Variants in VPS26B observed in about 807,000 individuals in gnomAD.
VPS26B encodes vacuolar protein sorting-associated protein 26B.
VPS26B carries 10 observed loss-of-function variants against 33.3 expected under a neutral mutation model. The ratio of observed to expected loss-of-function variants is 0.30; its 90% confidence interval spans 0.19 to 0.51. The LOEUF (loss-of-function observed/expected upper bound fraction) is 0.51, where lower values mean the gene tolerates loss of function less well. Among genes scored for constraint, VPS26B ranks in the 20% least tolerant of loss-of-function variants. VPS26B has a pLI of 0.98. For missense variants in VPS26B, 317 were observed against 452.7 expected (o/e 0.70, Z 2.72); for synonymous variants, 190 against 176.9 (o/e 1.07, Z -0.59).
At position 134,245,907 on chromosome 11, in the gene VPS26B, C is replaced by T. The variant is rs141768163; in HGVS notation, c.*317C>T. The T allele has an allele frequency of 3.3e-4, 102 of 312,696 alleles. No individual in the cohort carries two copies. In the East Asian group the frequency reaches 5.9e-3, roughly 18 times the overall value. 19.4% of individuals were successfully genotyped at this position (312,696 alleles called of 1,614,324 possible). On this transcript the variant is annotated 3_prime_UTR_variant, in exon 6 of 6. Transcript: ENST00000281187. This position sits in a 1 kb window ranked among gnomAD's most constrained non-coding sequence, Gnocchi z 4.7. ...CTTAGAGGAGGGAGAGCAGAGAGCA[C>T]GCATCCTTGGCTCCTGGCTCTCTGA...
chr11:134,239,351 T>C (rs1437276551), intron 2 of VPS26B, among the ~76,000 whole-genome samples: 1 of 152,126 alleles, frequency 6.6e-6, no homozygotes, highest in Non-Finnish European at 1.5e-5. Flanking sequence ...TTTGCCCATC[T>C]CCCCCGGTGA....
Position 134,245,659 on chromosome 11 carries a change from G to T in VPS26B, c.*69G>T. 6.6e-7 allele frequency: 1 copy of T among 1,513,734 alleles called. No individual in the cohort carries two copies. Among genetic ancestry groups the T allele is most frequent in the Non-Finnish European group, 8.9e-7 (1 of 1,129,282 alleles). The allele number at this position is 1,513,734 out of a possible 1,614,324, so 93.8% of individuals were successfully genotyped here. On this transcript the variant is annotated 3_prime_UTR_variant, in exon 6 of 6. Transcript: ENST00000281187. This position sits in a 1 kb window ranked among gnomAD's most constrained non-coding sequence, Gnocchi z 4.7. ...CATCTACCAACACCAGCGGCTGGGG[G>T]CGGGGGCGGACCTTGTGAGGCTCAG...
chr11:134,235,024 G>A lies in VPS26B; in HGVS notation c.351G>A (p.Glu117=), dbSNP rs780697177. ...FEFTHVEKPY[E]SYTGQNVKLR... ...TTACCCACGTGGAGAAGCCGTATGA[G>A]TCCTACACAGGGCAGAATGTGAAGC... Residue 117 remains glutamate (E), a synonymous_variant, in exon 2 of 6, where the codon GAG becomes GAA. Coordinates refer to ENST00000281187, the MANE Select transcript of VPS26B (RefSeq NM_052875.5). 1.2e-6 allele frequency: 2 copies of A among 1,614,170 alleles called. No homozygotes were observed. Among genetic ancestry groups the A allele is most frequent in the Non-Finnish European group, 1.7e-6 (2 of 1,180,018 alleles).
intron 1 of VPS26B, among the ~76,000 whole-genome samples, chr11:134,234,677 T>C (rs1271220872): frequency 6.6e-6 from 1 of 152,192 alleles, no homozygotes; most frequent in Non-Finnish European, 1.5e-5. Context: ...TGGGTTCCTT[T>C]TCTGCCACGG....
At chr11:134,237,686 G>A (rs994653908) in intron 2 of VPS26B, among the ~76,000 whole-genome samples, 5 of 152,276 alleles carry the variant, frequency 3.3e-5, no homozygotes, top group Admixed American at 2.0e-4. Flanking sequence ...CTGTGGAACC[G>A]CGGGAAGAGT....
chr11:134,242,816 A>C (rs1449718427), intron 3 of VPS26B, among the ~76,000 whole-genome samples: 7 of 152,250 alleles, frequency 4.6e-5, no homozygotes, highest in African/African-American at 7.2e-5. Context: ...CAAAAACACA[A>C]ATATAAAAGG....
chr11:134,240,232 A>G lies in VPS26B; in HGVS notation c.545+77A>G. 6.6e-7 allele frequency: 1 copy of G among 1,521,066 alleles called. No individual in the cohort carries two copies. The highest frequency in any genetic ancestry group is 1.2e-5 in the South Asian group (1 of 86,916). 94.2% of individuals were successfully genotyped at this position (1,521,066 alleles called of 1,614,324 possible). ...TGGGACTTGATGCAGATGCAAACTGATGACCCTCTGTGACTCGACTGCTTT... is the reference window on the plus strand; with the variant it reads ...TGGGACTTGATGCAGATGCAAACTGGTGACCCTCTGTGACTCGACTGCTTT... On this transcript the variant is annotated intron_variant, in intron 3 of 5. Coordinates refer to ENST00000281187, the MANE Select transcript of VPS26B (RefSeq NM_052875.5). The surrounding 1 kb of genome is among the most constrained non-coding windows in gnomAD (Gnocchi z 4.4).
chr11:134,242,043 T>C (rs1938734441), intron 3 of VPS26B, among the ~76,000 whole-genome samples: 1 of 152,190 alleles, frequency 6.6e-6, no homozygotes, highest in African/African-American at 2.4e-5. Context: ...TTTTTAACTC[T>C]CCCCGCTTAC....
At position 134,225,257 on chromosome 11, in the gene VPS26B, G is replaced by A. The variant is rs1938427519; in HGVS notation, c.135G>A (p.Thr45=). ...EKYFLFYDGE[T]VSGKVSLALK... is the part of the protein sequence containing the mutation. ...ATTTCCTCTTCTACGACGGGGAGAC[G>A]GTCTCCGGGAAGGTGAGCCTTGCCC... The change falls in exon 1 of 6, where the codon ACG becomes ACA. Residue 45 remains threonine, a synonymous_variant. Transcript: ENST00000281187. The A allele has an allele frequency of 6.2e-7, 1 of 1,614,034 alleles. No homozygotes were observed. Among genetic ancestry groups the A allele is most frequent in the Non-Finnish European group, 8.5e-7 (1 of 1,180,010 alleles).
intron 2 of VPS26B, 40 bp downstream of exon 2, chr11:134,235,093 C>T (rs888089108): frequency 1.3e-6 from 2 of 1,592,180 alleles, no homozygotes; most frequent in Non-Finnish European, 1.7e-6. Flanking sequence ...ACCCTAGAAC[C>T]TGCCCCATGT....
rs1411344708 is a variant in VPS26B at position 134,244,788 on chromosome 11, G to A, written c.722-150G>A. The A allele has an allele frequency of 1.4e-5, 15 of 1,104,102 alleles. No individual in the cohort carries two copies. Among genetic ancestry groups the A allele is most frequent in the Non-Finnish European group, 1.9e-5 (15 of 804,284 alleles). The allele number at this position is 1,104,102 out of a possible 1,614,324, so 68.4% of individuals were successfully genotyped here. A position where few individuals can be genotyped will look rare whatever the true frequency, so the allele number is the denominator to read the frequency against. ...AGTCACATTTTTGTTTCAGCCACCTGCTGGGCAGCAGAGCGACTGCACCTT... is the reference window on the plus strand; with the variant it reads ...AGTCACATTTTTGTTTCAGCCACCTACTGGGCAGCAGAGCGACTGCACCTT... On this transcript the variant is annotated intron_variant, in intron 4 of 5. Transcript: ENST00000281187. The surrounding 1 kb of genome is among the most constrained non-coding windows in gnomAD (Gnocchi z 4.0).
rs753844938 is a variant in VPS26B at position 134,240,532 on chromosome 11, CATCT to C, written c.545+378_545+381del. 2.6e-5 allele frequency among the ~76,000 whole-genome samples: 4 copies of C among 152,164 alleles called. No homozygotes were observed. The highest frequency in any genetic ancestry group is 5.9e-5 in the Non-Finnish European group (4 of 68,038). ...CCATTCCATTATCATGTGCTCCCTC[CATCT>C]GTGTCTTCAGAAATCAAAGCGACGA... On this transcript the variant is annotated intron_variant, in intron 3 of 5. Transcript: ENST00000281187. This position sits in a 1 kb window ranked among gnomAD's most constrained non-coding sequence, Gnocchi z 4.4.
At position 134,225,365 on chromosome 11, in the gene VPS26B, C is replaced by T. The variant is rs770460078; in HGVS notation, c.223+20C>T. On this transcript the variant is annotated intron_variant, in intron 1 of 5. Transcript: ENST00000281187. ...AGATCGGTGAGTCGACCCCCGGGAC[C>T]CCCTCCCCCAGCGCCGACAGCCGGC... The T allele has an allele frequency of 1.4e-5, 23 of 1,612,184 alleles. No individual in the cohort carries two copies. The highest frequency in any genetic ancestry group is 2.0e-5 in the Non-Finnish European group (23 of 1,179,234).
Position 134,225,099 on chromosome 11 carries a change from A to T in VPS26B, c.-24A>T, listed in dbSNP as rs752459561. The T allele has an allele frequency of 6.3e-7, 1 of 1,580,160 alleles. No homozygotes were observed. Among genetic ancestry groups the T allele is most frequent in the South Asian group, 1.1e-5 (1 of 88,212 alleles). ...CGGTGCGAGGGAGCGGTCCTTACCG[A>T]GACCCGCCCGGCCCGGCGGTGCGAT... On this transcript the variant is annotated 5_prime_UTR_variant, in exon 1 of 6. Coordinates refer to ENST00000281187, the MANE Select transcript of VPS26B (RefSeq NM_052875.5).
chr11:134,242,679 C>T (rs185344376), intron 3 of VPS26B, among the ~76,000 whole-genome samples: 1 of 152,254 alleles, frequency 6.6e-6, no homozygotes, highest in South Asian at 2.1e-4. Context: ...CGGCCTAGAG[C>T]GGACAGAACT....
intron 1 of VPS26B, among the ~76,000 whole-genome samples, chr11:134,233,704 G>A (rs982023358): frequency 9.3e-5 from 14 of 149,918 alleles, no homozygotes; most frequent in African/African-American, 2.4e-4. Context: ...CAGCCTGGGC[G>A]ACAGAGCGAG....
In VPS26B at chr11:134,245,631, C is replaced by A. The variant is rs1938802086; in HGVS notation, c.*41C>A. On this transcript the variant is annotated 3_prime_UTR_variant, in exon 6 of 6. Coordinates refer to ENST00000281187, the MANE Select transcript of VPS26B (RefSeq NM_052875.5). This position sits in a 1 kb window ranked among gnomAD's most constrained non-coding sequence, Gnocchi z 4.7. ...AAGATGCTGGGCACCCACCCAGCAC[C>A]CCCATCTACCAACACCAGCGGCTGG... 3.8e-6 allele frequency: 6 copies of A among 1,568,740 alleles called. No individual in the cohort carries two copies. The South Asian group carries it at 5.7e-5, about 15-fold the overall frequency.
intron 1 of VPS26B, 76 bp from the exon 2 acceptor site, chr11:134,234,807 CCCTCCAGCCTACAG>C (rs1213385410): frequency 2.1e-5 from 32 of 1,495,146 alleles, no homozygotes; most frequent in Non-Finnish European, 2.9e-5. Context: ...AGAAAGCAGT[CCCTCCAGCCTACAG>C]CCTCCAGCCC....
At chr11:134,234,643 G>A (rs922774197) in intron 1 of VPS26B, among the ~76,000 whole-genome samples, 6 of 152,162 alleles carry the variant, frequency 3.9e-5, no homozygotes, top group Non-Finnish European at 7.4e-5. Flanking sequence ...GATGGTGTCC[G>A]AGTGTCTTGG....
Sources: allele counts gnomAD v4.1 joint callset (sites outside exome capture counted in the v4.1 genomes callset), GRCh38; gene constraint gnomAD v4.1.1; non-coding constraint Gnocchi (gnomAD v3.1); transcripts MANE v1.5; gene names NCBI Gene and HGNC (gene_info 2026-07-23, HGNC 2026-07-21).